CLIC5: variants seen among roughly 807,000 people sequenced by gnomAD.
The protein encoded by CLIC5 is chloride intracellular channel protein 5.
A neutral mutation model predicts 24.7 loss-of-function variants in CLIC5; 20 were observed. That is an observed-to-expected ratio of 0.81 (90% CI 0.57 to 1.18). The LOEUF (loss-of-function observed/expected upper bound fraction) is 1.18. CLIC5 is among the 50% of genes most tolerant of loss of function. CLIC5 has a pLI of 0.00. For missense variants in CLIC5, 341 were observed against 326.1 expected, an observed-to-expected ratio of 1.05 and a Z score of -0.35; for synonymous variants, 159 against 135.6, an observed-to-expected ratio of 1.17 and a Z score of -1.20.
At chr6:46,032,985 T>C (rs1246396436) in intron 1 of CLIC5, among the ~76,000 whole-genome samples, 1 of 99,524 alleles carries the variant, frequency 1.0e-5, no homozygotes, top group Non-Finnish European at 2.1e-5. Flanking sequence ...ATCTACATTT[T>C]TTTTTTTTTT....
At position 45,993,586 on chromosome 6, in the gene CLIC5, C is replaced by T. The variant is rs1766019236; in HGVS notation, c.63+21894G>A. Among the ~76,000 whole-genome samples the T allele has an allele frequency of 3.3e-5, 5 of 152,104 alleles. No individual in the cohort carries two copies. The South Asian group carries it at 1.0e-3, about 32-fold the overall frequency. On this transcript the variant is annotated intron_variant, in intron 1 of 5. Coordinates refer to ENST00000339561, the MANE Select transcript of CLIC5 (RefSeq NM_016929.5). ...ACCACAGGACATGGGAGAGAAAACC[C>T]CTCTCTTGCTACTCTGAGTAACTGT...
intron 1 of CLIC5, among the ~76,000 whole-genome samples, chr6:46,005,004 C>T (rs565985010): frequency 3.9e-4 from 59 of 152,282 alleles, no homozygotes; most frequent in Admixed American, 3.3e-3. Flanking sequence ...GACGGCCCCT[C>T]GTCTTCATCC....
the CLIC5 span, among the ~76,000 whole-genome samples, chr6:46,102,845 A>G: frequency 6.6e-6 from 1 of 152,246 alleles, no homozygotes; most frequent in Non-Finnish European, 1.5e-5. Flanking sequence ...ATAAACTAAA[A>G]GTAAAAATCA....
the CLIC5 span, among the ~76,000 whole-genome samples, chr6:46,091,632 G>C: frequency 6.6e-6 from 1 of 152,166 alleles, no homozygotes; most frequent in South Asian, 2.1e-4. Context: ...CAGCTACTTG[G>C]GAGGTTGAGG....
chr6:46,036,609 C>T (rs1767669180), intron 1 of CLIC5, among the ~76,000 whole-genome samples: 1 of 152,124 alleles, frequency 6.6e-6, no homozygotes, highest in Non-Finnish European at 1.5e-5. Flanking sequence ...TGCGCCAGGC[C>T]GACTGCAAAG....
intron 1 of CLIC5, among the ~76,000 whole-genome samples, chr6:46,069,744 G>T (rs765913421): frequency 2.8e-4 from 42 of 151,978 alleles, no homozygotes; most frequent in Non-Finnish European, 5.7e-4. Flanking sequence ...CATCCTAATA[G>T]CAAAACCTGG....
At chr6:45,999,272 A>G (rs1766262467) in intron 1 of CLIC5, among the ~76,000 whole-genome samples, 2 of 152,228 alleles carry the variant, frequency 1.3e-5, no homozygotes, top group Admixed American at 1.3e-4. Context: ...CAAGTTTCCT[A>G]AACTCCACTG....
At chr6:45,927,521 G>T (rs953374936) in intron 4 of CLIC5, among the ~76,000 whole-genome samples, 12 of 152,192 alleles carry the variant, frequency 7.9e-5, no homozygotes, top group Non-Finnish European at 4.4e-5. Flanking sequence ...AAAGCAGGAC[G>T]TAGATTTACA....
At chr6:46,101,503 G>T in the CLIC5 span, among the ~76,000 whole-genome samples, 1 of 152,222 alleles carries the variant, frequency 6.6e-6, no homozygotes, top group Non-Finnish European at 1.5e-5. Context: ...ACAGAAAAGG[G>T]CTGAGAAAAG....
intron 4 of CLIC5, among the ~76,000 whole-genome samples, chr6:45,936,598 CTG>C (rs1763945804): frequency 6.6e-6 from 1 of 152,126 alleles, no homozygotes; most frequent in Non-Finnish European, 1.5e-5. Context: ...GATGAGGAAA[CTG>C]AGGCATTACA....
intron 5 of CLIC5, among the ~76,000 whole-genome samples, chr6:45,906,091 C>T (rs1762652545): frequency 6.6e-6 from 1 of 152,040 alleles, no homozygotes; most frequent in Non-Finnish European, 1.5e-5. Context: ...TGTACAAGTA[C>T]CATGTTGTTT....
At chr6:46,084,999 C>A (rs1376184632), upstream of CLIC5, among the ~76,000 whole-genome samples, 1 of 151,894 alleles carries the variant, frequency 6.6e-6, no homozygotes, top group East Asian at 1.9e-4. Context: ...CTCTAAACTT[C>A]CCTTCTCACT....
rs759216865 is a variant in CLIC5, at chr6:45,903,201, A to G, written c.643T>C (p.Trp215Arg). ...GCATAGGCGTTCTTGAGGTACCGCC[A>G]CAGGCCTGTCATCTCAGCCGGGATA... ...YDIPAEMTGL[W>R]RYLKNAYARD... is the part of the protein sequence containing the mutation. The change falls in exon 6 of 6, where the codon TGG becomes CGG. Residue 215 changes from tryptophan to arginine, a missense_variant. Coordinates refer to ENST00000339561, the MANE Select transcript of CLIC5 (RefSeq NM_016929.5). 1 of 1,612,954 alleles carries G rather than the reference A, an allele frequency of 6.2e-7. No homozygotes were observed. Among genetic ancestry groups the G allele is most frequent in the Non-Finnish European group, 8.5e-7 (1 of 1,179,596 alleles).
At chr6:45,927,386 C>T (rs1763541475) in intron 4 of CLIC5, among the ~76,000 whole-genome samples, 1 of 152,194 alleles carries the variant, frequency 6.6e-6, no homozygotes, top group Non-Finnish European at 1.5e-5. Flanking sequence ...TCAATATCTG[C>T]TTCGTAACAA....
intron 4 of CLIC5, among the ~76,000 whole-genome samples, chr6:45,926,525 G>A (rs1763505055): frequency 6.6e-6 from 1 of 151,800 alleles, no homozygotes; most frequent in Admixed American, 6.6e-5. Flanking sequence ...CAAAGTGCTG[G>A]GATTATAGGC....
chr6:46,091,548 C>A, the CLIC5 span, among the ~76,000 whole-genome samples: 14 of 152,206 alleles, frequency 9.2e-5, no homozygotes, highest in Middle Eastern at 6.8e-3. Context: ...CCCTGGGCAA[C>A]AGGGAAAGAC....
rs1342902369 is a variant in CLIC5 at position 46,061,076 on chromosome 6, G to A, written c.540+18627C>T. 5.9e-5 allele frequency among the ~76,000 whole-genome samples: 9 copies of A among 152,340 alleles called. No homozygotes were observed. The East Asian group carries it at 7.7e-4, about 13-fold the overall frequency. On this transcript the variant is annotated intron_variant, in intron 1 of 5. Coordinates refer to the CLIC5 transcript ENST00000185206. ...ACATAGGAAGGAATAGGCAATAGAC[G>A]AGAGGCTCATTCTTGCAGCTATAAA...
At chr6:46,109,864 C>T in the CLIC5 span, among the ~76,000 whole-genome samples, 4 of 146,396 alleles carry the variant, frequency 2.7e-5, no homozygotes, top group Non-Finnish European at 6.2e-5. Flanking sequence ...GCATGTCTGA[C>T]ATAATGTAAA....
chr6:46,016,344 A>G (rs1767008999), upstream of CLIC5, among the ~76,000 whole-genome samples: 1 of 152,012 alleles, frequency 6.6e-6, no homozygotes, highest in Non-Finnish European at 1.5e-5. Context: ...TGTCTTAGTG[A>G]TGCTCAGAAC....
Sources: allele counts gnomAD v4.1 joint callset (sites outside exome capture counted in the v4.1 genomes callset), GRCh38; gene constraint gnomAD v4.1.1; transcripts MANE v1.5; gene names NCBI Gene and HGNC (gene_info 2026-07-23, HGNC 2026-07-21).